SATB2: variants seen among roughly 807,000 people sequenced by gnomAD.
The protein encoded by SATB2 is SATB homeobox 2, also known as DNA-binding protein SATB2.
SATB2 carries 1 observed loss-of-function variant against 73.4 expected under a neutral mutation model. The observed-to-expected ratio is 0.01, with a 90% CI of 0.00 to 0.06. The LOEUF (loss-of-function observed/expected upper bound fraction) is 0.06. SATB2 is among the 10% of genes least tolerant of loss of function. The pLI is 1.00. For synonymous variants in SATB2, 397 were observed against 367.0 expected (o/e 1.08, Z -0.93); for missense variants, 459 against 945.8 (o/e 0.49, Z 6.75).
intron 7 of SATB2, among the ~76,000 whole-genome samples, chr2:199,334,204 A>G (rs1688270708): frequency 6.6e-6 from 1 of 152,190 alleles, no homozygotes; most frequent in South Asian, 2.1e-4. Flanking sequence ...GCTAAAAGTA[A>G]AATCATACGC....
At chr2:199,416,520 G>A (rs1015846115) in intron 3 of SATB2, among the ~76,000 whole-genome samples, 6 of 152,156 alleles carry the variant, frequency 3.9e-5, no homozygotes, top group Non-Finnish European at 7.3e-5. Context: ...GGTAATTCAT[G>A]TTTAATTTTC....
At chr2:199,345,804 G>A (rs1574528662) in intron 7 of SATB2, among the ~76,000 whole-genome samples, 3 of 152,230 alleles carry the variant, frequency 2.0e-5, no homozygotes, top group East Asian at 3.9e-4. Context: ...TAATTAAGAT[G>A]GTGGGAGCAC....
chr2:199,300,322 G>A (rs1322893016), intron 10 of SATB2, among the ~76,000 whole-genome samples: 1 of 149,618 alleles, frequency 6.7e-6, no homozygotes, highest in Non-Finnish European at 1.5e-5. Context: ...GAAAGCCAAT[G>A]AAGCTTTATG....
At chr2:199,363,163 C>T (rs1249017794) in intron 6 of SATB2, among the ~76,000 whole-genome samples, 1 of 152,190 alleles carries the variant, frequency 6.6e-6, no homozygotes, top group African/African-American at 2.4e-5. Flanking sequence ...CATTTTTCCA[C>T]TTAAACTACC....
intron 2 of SATB2, among the ~76,000 whole-genome samples, chr2:199,440,843 T>A (rs568854925): frequency 2.5e-5 from 3 of 118,906 alleles, no homozygotes; most frequent in African/African-American, 1.0e-4. Flanking sequence ...AAACTCTGCA[T>A]CATAATTACT....
chr2:199,314,348 T>TAA (rs1478743856), intron 9 of SATB2, among the ~76,000 whole-genome samples: 2 of 152,134 alleles, frequency 1.3e-5, no homozygotes, highest in African/African-American at 4.8e-5. Flanking sequence ...TTCAGAAAGT[T>TAA]ATTGTTTGAG....
At chr2:199,468,962 G>C (rs1692649494), upstream of SATB2, 1 of 152,350 alleles carries the variant, frequency 6.6e-6, no homozygotes, top group Non-Finnish European at 1.5e-5. Flanking sequence ...TGACCCAGGG[G>C]ACCGTGCGGG....
chr2:199,339,543 T>G (rs6435013), intron 7 of SATB2, among the ~76,000 whole-genome samples: 143,839 of 152,192 alleles, frequency 0.95, 68,515 homozygotes, highest in East Asian at 1. Flanking sequence ...TCTTTCAGTG[T>G]GTGGACTTCC....
rs543505547 is a variant in SATB2, at chr2:199,311,626, T to C, written c.1543-2669A>G. Among the ~76,000 whole-genome samples, 14 of 152,258 alleles carry C rather than the reference T, an allele frequency of 9.2e-5. No individual in the cohort carries two copies. In the South Asian group the frequency reaches 2.7e-3, roughly 29 times the overall value. The stretch of plus-strand genomic sequence containing the variant: ...ACGGGCGCTCCTGTGATGCCATATA[T>C]AGGTATTTATTTTGTATCTGAACTG... On this transcript the variant is annotated intron_variant, in intron 9 of 10. Coordinates refer to ENST00000417098, the MANE Select transcript of SATB2 (RefSeq NM_001172509.2).
chr2:199,371,928 C>T (rs1207512664), intron 5 of SATB2, among the ~76,000 whole-genome samples: 2 of 152,028 alleles, frequency 1.3e-5, no homozygotes, highest in African/African-American at 2.4e-5. Context: ...AAGCATGTAT[C>T]GCTTTGCATG....
chr2:199,441,050 T>C (rs1691801840), intron 2 of SATB2, among the ~76,000 whole-genome samples: 1 of 152,038 alleles, frequency 6.6e-6, no homozygotes, highest in African/African-American at 2.4e-5. Flanking sequence ...TTTCTCCATG[T>C]TGGTCAGGCT....
intron 5 of SATB2, among the ~76,000 whole-genome samples, chr2:199,377,621 A>C (rs1275048125): frequency 6.6e-6 from 1 of 152,132 alleles, no homozygotes; most frequent in Non-Finnish European, 1.5e-5. Context: ...GCTCTAGTGA[A>C]ATATAAGGCT....
chr2:199,459,290 C>A (rs1692404333), upstream of SATB2, among the ~76,000 whole-genome samples: 2 of 151,922 alleles, frequency 1.3e-5, no homozygotes, highest in South Asian at 4.1e-4. The surrounding 1 kb of genome is among the most constrained non-coding windows in gnomAD (Gnocchi z 4.2). Flanking sequence ...CCCGCGAAGG[C>A]GTAACAGAGC....
intron 8 of SATB2, among the ~76,000 whole-genome samples, chr2:199,324,972 G>A (rs543156814): frequency 1.1e-4 from 17 of 152,088 alleles, no homozygotes; most frequent in Admixed American, 5.2e-4. Flanking sequence ...TTCCCTGTGC[G>A]GATGCCCTGA....
chr2:199,412,461 G>A (rs548041188), intron 3 of SATB2, among the ~76,000 whole-genome samples: 2 of 152,296 alleles, frequency 1.3e-5, no homozygotes, highest in South Asian at 4.1e-4. Flanking sequence ...TTGGGCAGGG[G>A]AAGGAACCCC....
At chr2:199,456,535 AT>A (rs1259950174) in intron 1 of SATB2, among the ~76,000 whole-genome samples, 1 of 152,218 alleles carries the variant, frequency 6.6e-6, no homozygotes, top group Non-Finnish European at 1.5e-5. Context: ...CCATAACCGA[AT>A]TAACCACCCG....
At chr2:199,302,903 C>T (rs918022572) in intron 10 of SATB2, among the ~76,000 whole-genome samples, 2 of 152,158 alleles carry the variant, frequency 1.3e-5, no homozygotes, top group Non-Finnish European at 2.9e-5. Context: ...AATGCCAAAG[C>T]AGCTATGAAA....
chr2:199,298,241 C>T (rs760307157), intron 10 of SATB2, among the ~76,000 whole-genome samples: 5 of 152,136 alleles, frequency 3.3e-5, no homozygotes, highest in Admixed American at 6.6e-5. Context: ...GGATTATTCT[C>T]GCAAACTAGT....
intron 10 of SATB2, among the ~76,000 whole-genome samples, chr2:199,279,042 T>C (rs1692401580): frequency 1.3e-5 from 2 of 152,212 alleles, no homozygotes; most frequent in African/African-American, 4.8e-5. Flanking sequence ...AATAAACAAA[T>C]AGAAAGTTAA....
Sources: gnomAD v4.1 joint callset for allele counts (sites outside exome capture counted in the v4.1 genomes callset) on GRCh38, gnomAD v4.1.1 for gene constraint, Gnocchi (gnomAD v3.1) non-coding constraint, MANE v1.5 for transcripts, NCBI Gene and HGNC (gene_info 2026-07-23, HGNC 2026-07-21) for gene names.